MFSD6: variants seen among roughly 807,000 people sequenced by gnomAD.
MFSD6 encodes major facilitator superfamily domain-containing protein 6.
Under a neutral mutation model 56.3 loss-of-function variants are expected in MFSD6, and 26 were observed. The observed-to-expected ratio is 0.46, with a 90% CI of 0.34 to 0.64. The LOEUF is 0.64. MFSD6 is among the 30% of genes least tolerant of loss of function. The pLI, the probability that MFSD6 is intolerant of heterozygous loss-of-function variation, is 0.01. For missense variants in MFSD6, 750 were observed against 986.2 expected, an observed-to-expected ratio of 0.76 and a Z score of 3.21; for synonymous variants, 331 against 366.9, an observed-to-expected ratio of 0.90 and a Z score of 1.12.
In MFSD6 at chr2:190,459,661, T is replaced by G. The variant is rs1035327574; in HGVS notation, c.1533-10097T>G. ...AAAAACAGATAAACTAAAATAACAA[T>G]GGAGAGATATAAACATGGTCACAGC... On this transcript the variant is annotated intron_variant, in intron 3 of 7. Transcript: ENST00000392328. This position sits in a 1 kb window ranked among gnomAD's most constrained non-coding sequence, Gnocchi z 5.3. Among the ~76,000 whole-genome samples, 3 of 152,116 alleles carry G rather than the reference T, an allele frequency of 2.0e-5. No individual in the cohort carries two copies. The highest frequency in any genetic ancestry group is 4.4e-5 in the Non-Finnish European group (3 of 68,022).
chr2:190,453,033 T>C (rs1217780601), intron 3 of MFSD6, among the ~76,000 whole-genome samples: 1 of 152,150 alleles, frequency 6.6e-6, no homozygotes, highest in Admixed American at 6.6e-5. Flanking sequence ...GACAGACATA[T>C]TCCTGTGTCA....
rs1423531728 is a variant in MFSD6, at chr2:190,496,599, TAAAG to T, written c.1892-836_1892-833del. Reference sequence around the variant, plus strand: ...AAATGCCCATCAATCAATGAGTGGATAAAGAAACTGTAGTGTGTGTATGTATGTA... The same window carrying T: ...AAATGCCCATCAATCAATGAGTGGATAAACTGTAGTGTGTGTATGTATGTA... On this transcript the variant is annotated intron_variant, in intron 6 of 7. Coordinates refer to ENST00000392328, the MANE Select transcript of MFSD6 (RefSeq NM_017694.4). This position sits in a 1 kb window ranked among gnomAD's most constrained non-coding sequence, Gnocchi z 4.7. Among the ~76,000 whole-genome samples the T allele has an allele frequency of 1.3e-5, 2 of 152,118 alleles. No homozygotes were observed. Among genetic ancestry groups the T allele is most frequent in the African/African-American group, 4.8e-5 (2 of 41,432 alleles).
chr2:190,486,034 T>C (rs555278280), intron 4 of MFSD6, among the ~76,000 whole-genome samples: 1 of 152,364 alleles, frequency 6.6e-6, no homozygotes, highest in Admixed American at 6.5e-5. Flanking sequence ...TGTCTTCCTA[T>C]AAATATTCTT....
rs1280684326 is a variant in MFSD6 at position 190,426,432 on chromosome 2, G to A, written c.-53-9545G>A. ...TGAGACTTTCTGTTTTTTTTGTTTT[G>A]TTTCAAGCATGTTTATAATTGCCTA... is the stretch of plus-strand genomic sequence containing the variant. On this transcript the variant is annotated intron_variant, in intron 2 of 7. Coordinates refer to ENST00000392328, the MANE Select transcript of MFSD6 (RefSeq NM_017694.4). This position sits in a 1 kb window ranked among gnomAD's most constrained non-coding sequence, Gnocchi z 4.7. 6.6e-6 allele frequency among the ~76,000 whole-genome samples: 1 copy of A among 150,542 alleles called. No individual in the cohort carries two copies. Among genetic ancestry groups the A allele is most frequent in the Non-Finnish European group, 1.5e-5 (1 of 67,654 alleles).
rs141305564 is a variant in MFSD6, at chr2:190,457,968, A to G, written c.1533-11790A>G. ...TTCATGAAATAAAGTAAATGAGTAA[A>G]TATGGTCAGATTAGGTTGTACAAAA... On this transcript the variant is annotated intron_variant, in intron 3 of 7. Coordinates refer to ENST00000392328, the MANE Select transcript of MFSD6 (RefSeq NM_017694.4). This position sits in a 1 kb window ranked among gnomAD's most constrained non-coding sequence, Gnocchi z 5.1. Among the ~76,000 whole-genome samples, 603 of 152,338 alleles carry G rather than the reference A, an allele frequency of 4.0e-3. 8 individuals are homozygous for G. Among genetic ancestry groups the G allele is most frequent in the Non-Finnish European group, 2.6e-3 (175 of 68,030 alleles).
At position 190,410,436 on chromosome 2, in the gene MFSD6, C is replaced by T. The variant is rs187910409; in HGVS notation, c.-176+1933C>T. 3.0e-3 allele frequency among the ~76,000 whole-genome samples: 451 copies of T among 152,300 alleles called. 1 individual carries two copies. Among genetic ancestry groups the T allele is most frequent in the Admixed American group, 7.3e-3 (112 of 15,296 alleles). Reference sequence around the variant, plus strand: ...TCCCTAATCAGAACCTATTAAGTCTCTCCACCTACGCAGATGTCTTCCTTA... The same window carrying T: ...TCCCTAATCAGAACCTATTAAGTCTTTCCACCTACGCAGATGTCTTCCTTA... On this transcript the variant is annotated intron_variant, in intron 1 of 7. Transcript: ENST00000392328. The surrounding 1 kb of genome is among the most constrained non-coding windows in gnomAD (Gnocchi z 4.4).
intron 4 of MFSD6, among the ~76,000 whole-genome samples, chr2:190,472,520 G>A: frequency 6.6e-6 from 1 of 152,194 alleles, no homozygotes; most frequent in South Asian, 2.1e-4. Context: ...AATGAAGTGA[G>A]AAAAGAAGTT....
chr2:190,481,059 A>G (rs889047071), intron 4 of MFSD6, among the ~76,000 whole-genome samples: 1 of 152,228 alleles, frequency 6.6e-6, no homozygotes, highest in Non-Finnish European at 1.5e-5. Context: ...TTTGAGGAAG[A>G]TAAGTGAAAT....
rs985895345 is a variant in MFSD6, at chr2:190,454,836, A to C, written c.1533-14922A>C. Among the ~76,000 whole-genome samples the C allele has an allele frequency of 6.6e-6, 1 of 152,164 alleles. No homozygotes were observed. Among genetic ancestry groups the C allele is most frequent in the Non-Finnish European group, 1.5e-5 (1 of 68,024 alleles). ...TCTAAGAGTCAGAAGACACTAGAATAGGGACCTATGGCCTAACATAGTGGG... is the reference window on the plus strand; with the variant it reads ...TCTAAGAGTCAGAAGACACTAGAATCGGGACCTATGGCCTAACATAGTGGG... On this transcript the variant is annotated intron_variant, in intron 3 of 7. Coordinates refer to ENST00000392328, the MANE Select transcript of MFSD6 (RefSeq NM_017694.4). The surrounding 1 kb of genome is among the most constrained non-coding windows in gnomAD (Gnocchi z 4.6).
chr2:190,475,251 A>C (rs1382258169), intron 4 of MFSD6, among the ~76,000 whole-genome samples: 1 of 152,200 alleles, frequency 6.6e-6, no homozygotes, highest in Non-Finnish European at 1.5e-5. Context: ...AGGGTATTCA[A>C]TTAGGAAAAG....
chr2:190,449,902 A>G (rs1299732754), intron 3 of MFSD6, among the ~76,000 whole-genome samples: 1 of 152,184 alleles, frequency 6.6e-6, no homozygotes, highest in Admixed American at 6.6e-5. Flanking sequence ...TTTAGGAGAT[A>G]TACCTAATGC....
rs1685881054 is a variant in MFSD6, at chr2:190,429,227, C to CAT, written c.-53-6750_-53-6749insAT. Among the ~76,000 whole-genome samples the CAT allele has an allele frequency of 2.7e-5, 4 of 148,912 alleles. No individual in the cohort carries two copies. The Admixed American group carries it at 2.7e-4, about 10-fold the overall frequency. ...ATATATCTGTATAATTCTTTTGTTA[C>CAT]GTGTGTGTGTGTGTGTGTGTGTATA... On this transcript the variant is annotated intron_variant, in intron 2 of 7. Coordinates refer to ENST00000392328, the MANE Select transcript of MFSD6 (RefSeq NM_017694.4).
rs953952909 is a variant in MFSD6, at chr2:190,434,042, G to A, written c.-53-1935G>A. The stretch of plus-strand genomic sequence containing the variant: ...CCCCATCTCTACAAAAATTAGTTGG[G>A]CATGGTGGCACACGTCTGTAGTCCT... On this transcript the variant is annotated intron_variant, in intron 2 of 7. Transcript: ENST00000392328. This position sits in a 1 kb window ranked among gnomAD's most constrained non-coding sequence, Gnocchi z 4.3. Among the ~76,000 whole-genome samples, 3 of 151,996 alleles carry A rather than the reference G, an allele frequency of 2.0e-5. No homozygotes were observed. The highest frequency in any genetic ancestry group is 7.2e-5 in the African/African-American group (3 of 41,386).
At chr2:190,468,345 C>G (rs894168432) in intron 3 of MFSD6, among the ~76,000 whole-genome samples, 1 of 151,948 alleles carries the variant, frequency 6.6e-6, no homozygotes, top group Admixed American at 6.6e-5. Flanking sequence ...TTTGTCTTTT[C>G]TTCATCTTTC....
intron 3 of MFSD6, among the ~76,000 whole-genome samples, chr2:190,449,636 C>T (rs1020635951): frequency 6.6e-6 from 1 of 150,838 alleles, no homozygotes; most frequent in African/African-American, 2.4e-5. Context: ...CAATGATAGA[C>T]TGGATTAAGA....
rs1297267515 is a variant in MFSD6, at chr2:190,488,399, G to T, written c.1631-258G>T. 6.6e-6 allele frequency among the ~76,000 whole-genome samples: 1 copy of T among 152,176 alleles called. No homozygotes were observed. Among genetic ancestry groups the T allele is most frequent in the Non-Finnish European group, 1.5e-5 (1 of 68,034 alleles). On this transcript the variant is annotated intron_variant, in intron 4 of 7. Coordinates refer to ENST00000392328, the MANE Select transcript of MFSD6 (RefSeq NM_017694.4). This position sits in a 1 kb window ranked among gnomAD's most constrained non-coding sequence, Gnocchi z 6.4. ...GGACAAGGGGTGAGTGTAAGTTATG[G>T]TTTAAGGGGTACAGAATTTTTGTTG...
intron 3 of MFSD6, among the ~76,000 whole-genome samples, chr2:190,452,367 G>A (rs772518259): frequency 3.3e-5 from 5 of 152,094 alleles, no homozygotes; most frequent in Non-Finnish European, 5.9e-5. Flanking sequence ...CCATTTGATT[G>A]CTTATTACAT....
At chr2:190,484,359 A>T (rs755496864) in intron 4 of MFSD6, among the ~76,000 whole-genome samples, 21 of 152,236 alleles carry the variant, frequency 1.4e-4, no homozygotes, top group Non-Finnish European at 2.8e-4. Context: ...TCATCACATA[A>T]AGAATAATCA....
rs539870375 is a variant in MFSD6, at chr2:190,461,845, A to T, written c.1533-7913A>T. Among the ~76,000 whole-genome samples, 2 of 149,970 alleles carry T rather than the reference A, an allele frequency of 1.3e-5. No homozygotes were observed. The highest frequency in any genetic ancestry group is 2.1e-4 in the South Asian group (1 of 4,728). On this transcript the variant is annotated intron_variant, in intron 3 of 7. Transcript: ENST00000392328. This position sits in a 1 kb window ranked among gnomAD's most constrained non-coding sequence, Gnocchi z 5.5. ...CAATCTATGATTTCTACCAGTTTTAATTTTTTTTTTAGTGTGGAACATGAA... is the reference window on the plus strand; with the variant it reads ...CAATCTATGATTTCTACCAGTTTTATTTTTTTTTTTAGTGTGGAACATGAA...
Sources: gnomAD v4.1 joint callset for allele counts (sites outside exome capture counted in the v4.1 genomes callset) on GRCh38, gnomAD v4.1.1 for gene constraint, Gnocchi (gnomAD v3.1) non-coding constraint, MANE v1.5 for transcripts, NCBI Gene and HGNC (gene_info 2026-07-23, HGNC 2026-07-21) for gene names.